ANKHD1: variants seen among roughly 807,000 people sequenced by gnomAD.
The protein encoded by ANKHD1 is ankyrin repeat and KH domain containing 1, also known as ankyrin repeat and KH domain-containing protein 1.
A neutral mutation model predicts 230.5 loss-of-function variants in ANKHD1; 31 were observed. That is an observed-to-expected ratio of 0.13 (90% CI 0.10 to 0.18). The LOEUF (loss-of-function observed/expected upper bound fraction) is 0.18, where lower values mean the gene tolerates loss of function less well. Among genes scored for constraint, ANKHD1 ranks in the 10% least tolerant of loss-of-function variants. ANKHD1 has a pLI of 1.00. For synonymous variants in ANKHD1, 1,074 were observed against 1,117.6 expected, an observed-to-expected ratio of 0.96 and a Z score of 0.78; for missense variants, 2,256 against 3,071.3, an observed-to-expected ratio of 0.73 and a Z score of 6.27.
chr5:140,481,484 TTTTTTTTTAAACCTA>T (rs1561783958), intron 10 of ANKHD1, among the ~76,000 whole-genome samples: 1 of 151,408 alleles, frequency 6.6e-6, no homozygotes, highest in Non-Finnish European at 1.5e-5. Context: ...ACTGTCAAGA[TTTTTTTTTAAACCTA>T]TTTTAGGGAG....
intron 5 of ANKHD1, among the ~76,000 whole-genome samples, chr5:140,443,412 C>G (rs914619663): frequency 6.6e-6 from 1 of 151,666 alleles, no homozygotes; most frequent in Non-Finnish European, 1.5e-5. Context: ...AAAAAAAGGC[C>G]GGGCGTGGTG....
At chr5:140,428,047 G>A (rs1772680841) in intron 1 of ANKHD1, among the ~76,000 whole-genome samples, 1 of 152,062 alleles carries the variant, frequency 6.6e-6, no homozygotes, top group Non-Finnish European at 1.5e-5. Flanking sequence ...GGGCAGCCGG[G>A]CAGAGACGCT....
intron 6 of ANKHD1, among the ~76,000 whole-genome samples, chr5:140,446,323 A>G (rs1050106924): frequency 4.6e-5 from 7 of 152,332 alleles, no homozygotes; most frequent in South Asian, 2.1e-4. Context: ...AATACACACA[A>G]TACTGAAAAC....
chr5:140,401,982 C>T lies in ANKHD1; in HGVS notation c.15C>T (p.Ser5=), dbSNP rs1769979391. The T allele has an allele frequency of 1.3e-6, 2 of 1,561,166 alleles. No homozygotes were observed. The highest frequency in any genetic ancestry group is 1.7e-6 in the Non-Finnish European group (2 of 1,158,638). MLTD[S]GGGGTSFEED... Reference sequence around the variant, plus strand: ...GGGTGCGAACAATGCTGACTGATAGCGGAGGCGGCGGCACCTCCTTTGAGG... The same window carrying T: ...GGGTGCGAACAATGCTGACTGATAGTGGAGGCGGCGGCACCTCCTTTGAGG... Residue 5 remains serine, a synonymous_variant, in exon 1 of 34, where the codon AGC becomes AGT. Transcript: ENST00000360839.
intron 10 of ANKHD1, among the ~76,000 whole-genome samples, chr5:140,474,953 A>G (rs937329035): frequency 4.6e-5 from 7 of 152,130 alleles, no homozygotes; most frequent in Non-Finnish European, 1.0e-4. Context: ...TAACTTTTTT[A>G]TTAAGGAATA....
chr5:140,414,190 A>T (rs767502510), intron 1 of ANKHD1, among the ~76,000 whole-genome samples: 2 of 152,176 alleles, frequency 1.3e-5, no homozygotes, highest in African/African-American at 4.8e-5. Flanking sequence ...CCTGCATTCA[A>T]TTATTTTAGG....
intron 1 of ANKHD1, among the ~76,000 whole-genome samples, chr5:140,406,394 C>T (rs1256938424): frequency 1.3e-5 from 2 of 151,950 alleles, no homozygotes; most frequent in South Asian, 2.1e-4. Flanking sequence ...TATTTTTGCT[C>T]TAGAATTAGT....
At chr5:140,533,459 CGTGGTCGCAGGCACCT>C (rs1366181473) in intron 29 of ANKHD1, among the ~76,000 whole-genome samples, 1 of 152,008 alleles carries the variant, frequency 6.6e-6, no homozygotes, top group African/African-American at 2.4e-5. Context: ...ATTAGCCAGG[CGTGGTCGCAGGCACCT>C]GTGGTCGCAG....
intron 5 of ANKHD1, among the ~76,000 whole-genome samples, chr5:140,443,621 G>A (rs1774039957): frequency 6.6e-6 from 1 of 151,910 alleles, no homozygotes; most frequent in Non-Finnish European, 1.5e-5. Flanking sequence ...AACCCAGGAG[G>A]CGGAGCTTGC....
intron 7 of ANKHD1, among the ~76,000 whole-genome samples, chr5:140,453,018 CT>C (rs1475472842): frequency 3.3e-5 from 5 of 152,066 alleles, no homozygotes; most frequent in Non-Finnish European, 5.9e-5. Flanking sequence ...TAGAGAAGTC[CT>C]TAAATGACCT....
At chr5:140,439,244 T>C (rs541066561) in intron 3 of ANKHD1, among the ~76,000 whole-genome samples, 1 of 152,306 alleles carries the variant, frequency 6.6e-6, no homozygotes, top group African/African-American at 2.4e-5. Flanking sequence ...TAGGATTATA[T>C]CCCAAAATAT....
intron 1 of ANKHD1, among the ~76,000 whole-genome samples, chr5:140,413,582 T>A (rs1372537388): frequency 6.6e-6 from 1 of 152,198 alleles, no homozygotes; most frequent in Non-Finnish European, 1.5e-5. Flanking sequence ...ATTGGAATCA[T>A]GCAGTATTTG....
intron 1 of ANKHD1, among the ~76,000 whole-genome samples, chr5:140,416,187 T>C (rs1006591849): frequency 5.9e-5 from 9 of 152,236 alleles, no homozygotes; most frequent in African/African-American, 2.2e-4. Context: ...CAGTCTATCA[T>C]TGATGGATGT....
intron 1 of ANKHD1, among the ~76,000 whole-genome samples, chr5:140,427,326 A>ACC (rs1249738152): frequency 2.3e-5 from 2 of 87,100 alleles, no homozygotes; most frequent in African/African-American, 4.6e-5. Flanking sequence ...TGGGGGGCCG[A>ACC]CCCCCCCACC....
rs772667517 is a variant in ANKHD1 at position 140,526,297 on chromosome 5, C to G, written c.4794C>G (p.Ser1598Arg). The G allele has an allele frequency of 1.2e-6, 2 of 1,614,192 alleles. No homozygotes were observed. The highest frequency in any genetic ancestry group is 1.7e-6 in the Non-Finnish European group (2 of 1,180,048). ...ATAGTGATTCAGATAACTTGGACAG[C>G]ACAGACTGCAACAGTGAGAGTAGCA... ...GGNSDSDNLDSTDCNSESSSG... is the reference protein window; with the variant it reads ...GGNSDSDNLDRTDCNSESSSG... The change falls in exon 26 of 34, where the codon AGC becomes AGG. Residue 1598 changes from serine (S) to arginine (R), a missense_variant. Physicochemically the swap from Ser to Arg is moderately radical, Grantham distance 110. Coordinates refer to ENST00000360839, the MANE Select transcript of ANKHD1 (RefSeq NM_017747.3).
At chr5:140,410,513 G>A (rs1345894452) in intron 1 of ANKHD1, among the ~76,000 whole-genome samples, 1 of 151,872 alleles carries the variant, frequency 6.6e-6, no homozygotes, top group Non-Finnish European at 1.5e-5. Context: ...CCTTGAATTG[G>A]CAAGTAAACA....
At chr5:140,402,629 CAG>C (rs1022352379) in intron 1 of ANKHD1, among the ~76,000 whole-genome samples, 1 of 152,198 alleles carries the variant, frequency 6.6e-6, no homozygotes, top group Non-Finnish European at 1.5e-5. Flanking sequence ...GAGAGACAAA[CAG>C]AGACAGAGAC....
intron 20 of ANKHD1, 137 bp from the exon 21 acceptor site, chr5:140,509,500 A>G: frequency 9.7e-7 from 1 of 1,026,308 alleles, no homozygotes; most frequent in Non-Finnish European, 1.3e-6. Flanking sequence ...CTCTTTTATG[A>G]GAGCTAATCA....
intron 1 of ANKHD1, among the ~76,000 whole-genome samples, chr5:140,408,522 T>C (rs1561674511): frequency 6.6e-6 from 1 of 152,200 alleles, no homozygotes; most frequent in Non-Finnish European, 1.5e-5. Flanking sequence ...TCTGAAAATA[T>C]AGCACAAGCT....
Sources: gnomAD v4.1 joint callset for allele counts (sites outside exome capture counted in the v4.1 genomes callset) on GRCh38, gnomAD v4.1.1 for gene constraint, MANE v1.5 for transcripts, NCBI Gene and HGNC (gene_info 2026-07-23, HGNC 2026-07-21) for gene names.